ITGA9: variants seen among roughly 807,000 people sequenced by gnomAD.
The protein encoded by ITGA9 is integrin alpha-9.
Under a neutral mutation model 127.8 loss-of-function variants are expected in ITGA9, and 56 were observed. That is an observed-to-expected ratio of 0.44 (90% CI 0.35 to 0.55). The LOEUF (loss-of-function observed/expected upper bound fraction) is 0.55, where lower values mean the gene tolerates loss of function less well. ITGA9 is among the 20% of genes least tolerant of loss of function. The pLI, the probability that ITGA9 is intolerant of heterozygous loss-of-function variation, is 0.00. For missense variants in ITGA9, 1,196 were observed against 1,347.1 expected (o/e 0.89, Z 1.76); for synonymous variants, 508 against 514.5 (o/e 0.99, Z 0.17).
chr3:37,696,051 A>C (rs1700882118), intron 18 of ITGA9, among the ~76,000 whole-genome samples: 1 of 152,156 alleles, frequency 6.6e-6, no homozygotes, highest in African/African-American at 2.4e-5. Flanking sequence ...CAAAGGGCAA[A>C]AGGTCTGCCT....
chr3:37,517,074 T>C (rs952242254), intron 9 of ITGA9, among the ~76,000 whole-genome samples: 2 of 152,226 alleles, frequency 1.3e-5, no homozygotes, highest in East Asian at 3.8e-4. Context: ...AACAGTTTTA[T>C]AAACTTGTAC....
intron 5 of ITGA9, among the ~76,000 whole-genome samples, chr3:37,501,403 C>T (rs916513233): frequency 6.6e-6 from 1 of 151,954 alleles, no homozygotes; most frequent in Non-Finnish European, 1.5e-5. Context: ...AATCACTGTT[C>T]TGGAATTTTA....
intron 15 of ITGA9, among the ~76,000 whole-genome samples, chr3:37,592,723 T>C (rs528586047): frequency 1.1e-4 from 17 of 152,278 alleles, no homozygotes; most frequent in Middle Eastern, 6.8e-3. Context: ...CTTGGGTTTC[T>C]GGTTTGGAGA....
intron 17 of ITGA9, among the ~76,000 whole-genome samples, chr3:37,666,549 G>A (rs144228389): frequency 3.5e-4 from 54 of 152,270 alleles, no homozygotes; most frequent in African/African-American, 1.1e-3. Context: ...GTTCGCTGGC[G>A]TTCCTCCGCA....
intron 5 of ITGA9, among the ~76,000 whole-genome samples, chr3:37,497,398 G>T (rs1188921524): frequency 6.6e-6 from 1 of 151,064 alleles, no homozygotes; most frequent in Admixed American, 6.6e-5. Flanking sequence ...TATACTGCAA[G>T]TTGGCATGAA....
At chr3:37,701,516 G>C (rs567112035) in intron 18 of ITGA9, among the ~76,000 whole-genome samples, 7 of 152,228 alleles carry the variant, frequency 4.6e-5, no homozygotes, top group Non-Finnish European at 1.0e-4. Flanking sequence ...TCTTCTGCCT[G>C]CGTGGTGAGG....
intron 26 of ITGA9, among the ~76,000 whole-genome samples, chr3:37,801,122 C>G (rs6763871): frequency 0.17 from 25,423 of 150,986 alleles, 4,257 homozygotes; most frequent in African/African-American, 0.44. Flanking sequence ...TTGAGATTGC[C>G]CCACCGCACT....
intron 23 of ITGA9, among the ~76,000 whole-genome samples, chr3:37,752,179 A>G (rs920255178): frequency 2.0e-5 from 3 of 152,210 alleles, no homozygotes; most frequent in African/African-American, 7.2e-5. Context: ...CTTGCTCAGT[A>G]GGGCCTGAGA....
At chr3:37,471,258 C>T in intron 2 of ITGA9, 124 bp downstream of exon 2, 1 of 1,097,040 alleles carries the variant, frequency 9.1e-7, no homozygotes, top group Non-Finnish European at 1.4e-6. Context: ...CTCCCTCCTT[C>T]TCTCCAACAA....
At chr3:37,536,079 G>A (rs1386696957) in intron 14 of ITGA9, among the ~76,000 whole-genome samples, 1 of 152,220 alleles carries the variant, frequency 6.6e-6, no homozygotes, top group Non-Finnish European at 1.5e-5. Context: ...GCTCTGCACA[G>A]TTTGGAAGGT....
At position 37,799,771 on chromosome 3, in the gene ITGA9, G is replaced by A. The variant is rs1697214398; in HGVS notation, c.2890-4052G>A. The stretch of plus-strand genomic sequence containing the variant: ...ACGAGATGTGAGCCAGGAGGTACCT[G>A]GGATGGAAACAAGAGGATGGAGAGA... On this transcript the variant is annotated intron_variant, in intron 26 of 27. Coordinates refer to ENST00000264741, the MANE Select transcript of ITGA9 (RefSeq NM_002207.3). The surrounding 1 kb of genome is among the most constrained non-coding windows in gnomAD (Gnocchi z 4.0). 6.6e-6 allele frequency among the ~76,000 whole-genome samples: 1 copy of A among 152,152 alleles called. No individual in the cohort carries two copies. Among genetic ancestry groups the A allele is most frequent in the Non-Finnish European group, 1.5e-5 (1 of 68,034 alleles).
intron 3 of ITGA9, 33 bp downstream of exon 3, chr3:37,473,493 G>A: frequency 6.6e-7 from 1 of 1,505,104 alleles, no homozygotes; most frequent in South Asian, 1.1e-5. Context: ...GTGGGAAGGG[G>A]GTGGCACTCT....
At chr3:37,478,703 G>A (rs934163010) in intron 3 of ITGA9, among the ~76,000 whole-genome samples, 1 of 152,192 alleles carries the variant, frequency 6.6e-6, no homozygotes, top group Non-Finnish European at 1.5e-5. Context: ...ATTGACATGT[G>A]TGTATATATA....
At chr3:37,577,140 C>T (rs1299164003) in intron 15 of ITGA9, among the ~76,000 whole-genome samples, 1 of 152,230 alleles carries the variant, frequency 6.6e-6, no homozygotes, top group Non-Finnish European at 1.5e-5. Flanking sequence ...GCCACATCCA[C>T]AGAAGTCATT....
At chr3:37,728,046 G>C (rs555985199) in intron 18 of ITGA9, among the ~76,000 whole-genome samples, 10 of 152,366 alleles carry the variant, frequency 6.6e-5, no homozygotes, top group South Asian at 4.1e-4. Context: ...TGCACTAGCA[G>C]TCAGGGACAT....
intron 1 of ITGA9, among the ~76,000 whole-genome samples, chr3:37,460,677 C>T (rs778572960): frequency 1.3e-4 from 19 of 151,310 alleles, no homozygotes; most frequent in South Asian, 2.1e-4. Flanking sequence ...GCGAGCTCCA[C>T]CTTCTGGGTT....
At chr3:37,626,618 A>G (rs188106180) in intron 15 of ITGA9, among the ~76,000 whole-genome samples, 1 of 152,222 alleles carries the variant, frequency 6.6e-6, no homozygotes, top group Non-Finnish European at 1.5e-5. Flanking sequence ...TAAGAGTTCA[A>G]GGCTGCAGTG....
intron 3 of ITGA9, among the ~76,000 whole-genome samples, chr3:37,477,390 T>C (rs1698504640): frequency 6.6e-6 from 1 of 152,190 alleles, no homozygotes; most frequent in South Asian, 2.1e-4. Context: ...GCGTGAAATG[T>C]CTCAGTGACC....
At chr3:37,686,638 A>G (rs538531954) in intron 18 of ITGA9, among the ~76,000 whole-genome samples, 1 of 152,128 alleles carries the variant, frequency 6.6e-6, no homozygotes, top group Non-Finnish European at 1.5e-5. Context: ...AAGGAACCCT[A>G]GGTTTCAGTT....
Sources: gnomAD v4.1 joint callset for allele counts (sites outside exome capture counted in the v4.1 genomes callset) on GRCh38, gnomAD v4.1.1 for gene constraint, Gnocchi (gnomAD v3.1) non-coding constraint, MANE v1.5 for transcripts, NCBI Gene and HGNC (gene_info 2026-07-23, HGNC 2026-07-21) for gene names.